RBBP8: variants seen among roughly 807,000 people sequenced by gnomAD.
RBBP8 encodes RB binding protein 8, endonuclease.
RBBP8 carries 88 observed loss-of-function variants against 108.3 expected under a neutral mutation model. The observed-to-expected ratio is 0.81, with a 90% CI of 0.68 to 0.97. The LOEUF (loss-of-function observed/expected upper bound fraction) is 0.97. Among genes scored for constraint, RBBP8 ranks in the 50% least tolerant of loss-of-function variants. The pLI is 0.00. For missense variants in RBBP8, 1,023 were observed against 1,049.0 expected, an observed-to-expected ratio of 0.98 and a Z score of 0.34; for synonymous variants, 332 against 348.2, an observed-to-expected ratio of 0.95 and a Z score of 0.52.
At chr18:22,975,071 T>TG in intron 5 of RBBP8, 82 bp from the exon 6 acceptor site, 3 of 1,440,968 alleles carry the variant, frequency 2.1e-6, no homozygotes, top group South Asian at 2.6e-5. Flanking sequence ...TCTTCATACA[T>TG]GCTGACATAT....
At chr18:23,015,329 T>C (rs753733904) in intron 16 of RBBP8, among the ~76,000 whole-genome samples, 9 of 152,232 alleles carry the variant, frequency 5.9e-5, no homozygotes, top group Non-Finnish European at 1.3e-4. Flanking sequence ...TTTAATGTTA[T>C]ACAATGCCAA....
At chr18:22,992,668 G>A (rs1189308718) in intron 10 of RBBP8, 80 bp from the exon 11 acceptor site, 2 of 1,272,708 alleles carry the variant, frequency 1.6e-6, no homozygotes, top group African/African-American at 1.5e-5. Flanking sequence ...TTAAATTTTG[G>A]TTAATCATTT....
upstream of RBBP8, among the ~76,000 whole-genome samples, chr18:22,928,638 A>G (rs72887615): frequency 0.22 from 32,804 of 151,910 alleles, 3,857 homozygotes; most frequent in East Asian, 0.44. Flanking sequence ...CATTTTAAAG[A>G]AACTGATTTT....
chr18:22,958,901 C>G (rs1912827858), intron 4 of RBBP8, among the ~76,000 whole-genome samples: 1 of 152,162 alleles, frequency 6.6e-6, no homozygotes, highest in African/African-American at 2.4e-5. Flanking sequence ...TAATTTAGGT[C>G]ATTCACTTTC....
At chr18:22,938,321 T>A (rs932679497) in intron 2 of RBBP8, among the ~76,000 whole-genome samples, 1 of 151,922 alleles carries the variant, frequency 6.6e-6, no homozygotes, top group African/African-American at 2.4e-5. Flanking sequence ...TTGTTTTTTT[T>A]AAACTTATCC....
At chr18:23,005,448 C>T (rs2046025536) in intron 15 of RBBP8, among the ~76,000 whole-genome samples, 2 of 152,060 alleles carry the variant, frequency 1.3e-5, no homozygotes, top group Non-Finnish European at 2.9e-5. Flanking sequence ...GAGTCTTGCT[C>T]TGTTGCCAGG....
At chr18:22,987,394 G>T (rs575238025) in intron 8 of RBBP8, among the ~76,000 whole-genome samples, 3 of 152,132 alleles carry the variant, frequency 2.0e-5, no homozygotes, top group Non-Finnish European at 2.9e-5. Flanking sequence ...TGTAAACGTC[G>T]TCAGTGTTGC....
chr18:22,944,924 T>G (rs1272717712), intron 2 of RBBP8, among the ~76,000 whole-genome samples: 2 of 152,208 alleles, frequency 1.3e-5, no homozygotes, highest in African/African-American at 2.4e-5. Flanking sequence ...TTGTCTAAAT[T>G]ATGTTGTCCA....
chr18:22,939,989 C>T (rs1289509680), intron 2 of RBBP8, among the ~76,000 whole-genome samples: 2 of 150,848 alleles, frequency 1.3e-5, no homozygotes, highest in African/African-American at 5.0e-5. Context: ...TGATTTTATT[C>T]AAGGAACTCT....
At position 23,026,272 on chromosome 18, in the gene RBBP8, A is replaced by C; in HGVS notation, c.*32A>C. 1 of 1,553,732 alleles carries C rather than the reference A, an allele frequency of 6.4e-7. No homozygotes were observed. Among genetic ancestry groups the C allele is most frequent in the Non-Finnish European group, 8.9e-7 (1 of 1,126,290 alleles). On this transcript the variant is annotated 3_prime_UTR_variant, in exon 19 of 19. Transcript: ENST00000327155. ...AAACAGAAACAGAAGGATGAAGGAC[A>C]GTTTTTTCCTTCTTAGTTATTTATA...
At chr18:22,989,124 T>A in intron 8 of RBBP8, 97 bp from the exon 9 acceptor site, 3 of 872,130 alleles carry the variant, frequency 3.4e-6, no homozygotes, top group Non-Finnish European at 3.6e-6. Context: ...AGTGTGAGCC[T>A]TTTCCTTCAT....
chr18:22,950,199 G>A (rs1438777802), intron 4 of RBBP8, among the ~76,000 whole-genome samples: 1 of 152,178 alleles, frequency 6.6e-6, no homozygotes, highest in African/African-American at 2.4e-5. Flanking sequence ...GGTTAACACT[G>A]AGGATTAGAA....
intron 2 of RBBP8, among the ~76,000 whole-genome samples, chr18:22,942,290 T>G (rs1911156345): frequency 6.6e-6 from 1 of 152,134 alleles, no homozygotes; most frequent in African/African-American, 2.4e-5. Context: ...AATGTACCCA[T>G]AGGAACTTGC....
intron 15 of RBBP8, among the ~76,000 whole-genome samples, chr18:23,003,118 CTCTT>C (rs2045975300): frequency 1.3e-5 from 2 of 152,170 alleles, no homozygotes; most frequent in Non-Finnish European, 2.9e-5. Flanking sequence ...ATCCCCAAGA[CTCTT>C]TCTTCCTCAC....
Position 22,936,800 on chromosome 18 carries a change from GA to G in RBBP8, c.-48del. 4 of 1,609,360 alleles carry G rather than the reference GA, an allele frequency of 2.5e-6. No homozygotes were observed. Among genetic ancestry groups the G allele is most frequent in the Non-Finnish European group, 3.4e-6 (4 of 1,176,490 alleles). On this transcript the variant is annotated 5_prime_UTR_variant, in exon 2 of 19. Transcript: ENST00000327155. The stretch of plus-strand genomic sequence containing the variant: ...GACTTGATACCTCTATAATGTAACA[GA>G]AAAGGTCAGAAAATATTAAGCAAGT...
rs146716939 is a variant in RBBP8 at position 23,003,648 on chromosome 18, G to A, written c.2287+1919G>A. On this transcript the variant is annotated intron_variant, in intron 15 of 18. Coordinates refer to ENST00000327155, the MANE Select transcript of RBBP8 (RefSeq NM_002894.3). The stretch of plus-strand genomic sequence containing the variant: ...TTAGGAGTCAAGTCCCAAGTTCTGA[G>A]CTCTAGGTTTTAATCTTTGTCACCA... Among the ~76,000 whole-genome samples, 128 of 152,246 alleles carry A rather than the reference G, an allele frequency of 8.4e-4. No homozygotes were observed. The Middle Eastern group carries it at 0.017, about 20-fold the overall frequency.
intron 4 of RBBP8, among the ~76,000 whole-genome samples, chr18:22,962,949 C>T (rs1044934499): frequency 6.6e-6 from 1 of 152,100 alleles, no homozygotes; most frequent in African/African-American, 2.4e-5. Flanking sequence ...ACTTTACTTT[C>T]CCTTTTTTTT....
intron 4 of RBBP8, among the ~76,000 whole-genome samples, chr18:22,967,210 C>CA (rs1311040474): frequency 6.6e-6 from 1 of 151,686 alleles, no homozygotes; most frequent in Non-Finnish European, 1.5e-5. Flanking sequence ...ATGAAAAATA[C>CA]AAAAAATTAG....
At chr18:22,999,616 A>G (rs187373905) in intron 14 of RBBP8, among the ~76,000 whole-genome samples, 56 of 152,254 alleles carry the variant, frequency 3.7e-4, no homozygotes, top group African/African-American at 1.2e-3. Flanking sequence ...AGAACCGCAC[A>G]TGGAATAGGA....
Sources: allele counts gnomAD v4.1 joint callset (sites outside exome capture counted in the v4.1 genomes callset), GRCh38; gene constraint gnomAD v4.1.1; transcripts MANE v1.5; gene names NCBI Gene and HGNC (gene_info 2026-07-23, HGNC 2026-07-21).